The following CEP128 variants were observed in gnomAD, a reference collection of about 807,000 sequenced individuals.
The protein encoded by CEP128 is centrosomal protein 128, also known as centrosomal protein 128kDa.
A neutral mutation model predicts 156.7 loss-of-function variants in CEP128; 132 were observed. That is an observed-to-expected ratio of 0.84 (90% CI 0.73 to 0.97). The LOEUF is 0.97. CEP128 is among the 50% of genes least tolerant of loss of function. CEP128 has a pLI of 0.00. For synonymous variants in CEP128, 469 were observed against 448.9 expected (o/e 1.04, Z -0.57); for missense variants, 1,252 against 1,281.9 (o/e 0.98, Z 0.36).
intron 19 of CEP128, among the ~76,000 whole-genome samples, chr14:80,681,708 C>A (rs183897169): frequency 2.0e-5 from 3 of 152,258 alleles, no homozygotes; most frequent in African/African-American, 4.8e-5. Context: ...TGCCTTCCGC[C>A]GTGATTGTAA....
At chr14:80,939,793 TCCAGTGTGAACCGCAGC>T (rs1374094091) in intron 1 of CEP128, among the ~76,000 whole-genome samples, 1 of 152,150 alleles carries the variant, frequency 6.6e-6, no homozygotes, top group East Asian at 1.9e-4. Context: ...GAGTTCATGC[TCCAGTGTGAACCGCAGC>T]CCAAGTCTAG....
chr14:80,786,000 C>G (rs1423221092), intron 14 of CEP128, among the ~76,000 whole-genome samples: 1 of 151,994 alleles, frequency 6.6e-6, no homozygotes, highest in Non-Finnish European at 1.5e-5. Context: ...TATAGGGAAG[C>G]ATGCAGATAC....
At chr14:80,907,859 A>G (rs1323636972) in intron 4 of CEP128, among the ~76,000 whole-genome samples, 1 of 152,198 alleles carries the variant, frequency 6.6e-6, no homozygotes, top group African/African-American at 2.4e-5. Flanking sequence ...ACAATATTAA[A>G]GCTAAAAAGC....
chr14:80,771,760 T>C (rs1900521286), intron 16 of CEP128, among the ~76,000 whole-genome samples: 1 of 152,226 alleles, frequency 6.6e-6, no homozygotes. Flanking sequence ...GAACTAAGCA[T>C]AGCTATTGAA....
At chr14:80,629,488 A>C (rs540298161) in intron 19 of CEP128, among the ~76,000 whole-genome samples, 1 of 152,188 alleles carries the variant, frequency 6.6e-6, no homozygotes, top group African/African-American at 2.4e-5. Flanking sequence ...CAAAAGTTAA[A>C]AGTAATCCTT....
rs371628543 is a variant in CEP128 at position 80,908,230 on chromosome 14, T to C, written c.235-2149A>G. Among the ~76,000 whole-genome samples, 36 of 152,326 alleles carry C rather than the reference T, an allele frequency of 2.4e-4. No individual in the cohort carries two copies. In the East Asian group the frequency reaches 6.6e-3, roughly 28 times the overall value. ...AATCCATAGCTTAATAAATTTCATA[T>C]GTTGTAAATTCTCAGGCATCATCTT... On this transcript the variant is annotated intron_variant, in intron 4 of 24. Coordinates refer to ENST00000555265, the MANE Select transcript of CEP128 (RefSeq NM_152446.5).
chr14:80,670,820 A>G (rs1048281753), intron 19 of CEP128, among the ~76,000 whole-genome samples: 1 of 152,164 alleles, frequency 6.6e-6, no homozygotes. Context: ...ATAAAAATAA[A>G]TGTTGAATCT....
intron 18 of CEP128, among the ~76,000 whole-genome samples, chr14:80,756,395 T>C (rs12435954): frequency 0.019 from 2,831 of 152,304 alleles, 46 homozygotes; most frequent in Non-Finnish European, 0.03. Flanking sequence ...ACCCATGTCT[T>C]ACTCACCAAT....
chr14:80,648,529 C>A (rs967582600), intron 19 of CEP128, among the ~76,000 whole-genome samples: 1 of 151,822 alleles, frequency 6.6e-6, no homozygotes, highest in African/African-American at 2.4e-5. Context: ...AACTTCTACT[C>A]CAACCTTTCC....
intron 9 of CEP128, among the ~76,000 whole-genome samples, chr14:80,841,196 A>T (rs1886333608): frequency 6.6e-6 from 1 of 152,154 alleles, no homozygotes; most frequent in African/African-American, 2.4e-5. Flanking sequence ...GGAAAATTAT[A>T]CTTGGAACTG....
intron 13 of CEP128, among the ~76,000 whole-genome samples, chr14:80,804,105 AAAG>A (rs2139904773): frequency 6.8e-6 from 1 of 148,076 alleles, no homozygotes; most frequent in Admixed American, 6.9e-5. Flanking sequence ...TACAGAACAT[AAAG>A]AATAATTTTA....
chr14:80,788,419 T>C (rs1901532976), intron 14 of CEP128, among the ~76,000 whole-genome samples: 1 of 151,020 alleles, frequency 6.6e-6, no homozygotes, highest in African/African-American at 2.4e-5. Flanking sequence ...GCAATTTGGA[T>C]TATAGATTGT....
At position 80,785,186 on chromosome 14, in the gene CEP128, C is replaced by A. The variant is rs753571515; in HGVS notation, c.1920G>T (p.Leu640=). 26 of 1,614,200 alleles carry A rather than the reference C, an allele frequency of 1.6e-5. No individual in the cohort carries two copies. In the East Asian group the frequency reaches 5.1e-4, roughly 32 times the overall value. ...LLEMQESIKD[L]SAIRADLANK... ...TAGCAAGATCTGCTCGGATGGCACTCAGGTCCTTGATGGACTCTTGCATCT... is the reference window on the plus strand; with the variant it reads ...TAGCAAGATCTGCTCGGATGGCACTAAGGTCCTTGATGGACTCTTGCATCT... The change falls in exon 15 of 25, where the codon CTG becomes CTT. Residue 640 remains leucine (L), a synonymous_variant. Transcript: ENST00000555265.
At chr14:80,773,239 G>T (rs1900611466) in intron 16 of CEP128, among the ~76,000 whole-genome samples, 1 of 151,856 alleles carries the variant, frequency 6.6e-6, no homozygotes, top group African/African-American at 2.4e-5. Context: ...CACTAATACT[G>T]GAAAATAAAT....
intron 4 of CEP128, among the ~76,000 whole-genome samples, chr14:80,913,788 G>A (rs1884388145): frequency 6.6e-6 from 1 of 152,058 alleles, no homozygotes; most frequent in Admixed American, 6.5e-5. Context: ...TTGGGAGCAG[G>A]GTAAAAGATG....
At chr14:80,478,419 AG>A (rs1420570314) in intron 14 of CEP128, 2 of 152,192 alleles carry the variant, frequency 1.3e-5, no homozygotes, top group African/African-American at 4.8e-5. Context: ...TATGAGAGAC[AG>A]AAAAAAACTC....
chr14:80,775,699 A>G (rs1450404162), intron 16 of CEP128, among the ~76,000 whole-genome samples: 1 of 152,264 alleles, frequency 6.6e-6, no homozygotes, highest in East Asian at 1.9e-4. Context: ...GATGCTCAAT[A>G]CATAGCAATA....
chr14:80,873,227 G>A (rs1226871606), intron 8 of CEP128, among the ~76,000 whole-genome samples: 4 of 152,212 alleles, frequency 2.6e-5, no homozygotes, highest in Non-Finnish European at 5.9e-5. Flanking sequence ...CACCAGTGAG[G>A]AGTGACATCC....
intron 19 of CEP128, among the ~76,000 whole-genome samples, chr14:80,693,495 TC>T (rs1896786150): frequency 6.6e-6 from 1 of 152,168 alleles, no homozygotes; most frequent in South Asian, 2.1e-4. Context: ...ATCTAATTTT[TC>T]CTATATTAAA....
Sources: allele counts gnomAD v4.1 joint callset (sites outside exome capture counted in the v4.1 genomes callset), GRCh38; gene constraint gnomAD v4.1.1; transcripts MANE v1.5; gene names NCBI Gene and HGNC (gene_info 2026-07-23, HGNC 2026-07-21).